Variants in MICU1 observed in about 807,000 individuals in gnomAD.
MICU1 encodes the protein calcium uptake protein 1, mitochondrial.
A neutral mutation model predicts 56.8 loss-of-function variants in MICU1; 45 were observed. The ratio of observed to expected loss-of-function variants is 0.79; its 90% CI spans 0.62 to 1.02. The LOEUF (loss-of-function observed/expected upper bound fraction) is 1.02, where lower values mean the gene tolerates loss of function less well. Among genes scored for constraint, MICU1 ranks in the 50% least tolerant of loss-of-function variants. The probability of loss-of-function intolerance (pLI) is 0.00; values close to 1 mark genes in which losing one functional copy is unlikely to be tolerated. For missense variants in MICU1, 504 were observed against 587.1 expected, an observed-to-expected ratio of 0.86 and a Z score of 1.46; for synonymous variants, 186 against 195.1, an observed-to-expected ratio of 0.95 and a Z score of 0.39.
At position 72,368,200 on chromosome 10, in the gene MICU1, G is replaced by A; in HGVS notation, c.1426C>T (p.Gln476Ter). The change falls in exon 12 of 12, where the codon CAG becomes TAG. Residue 476 changes from glutamine to a stop codon, truncating the protein, a stop_gained. Coordinates refer to ENST00000361114, the MANE Select transcript of MICU1 (RefSeq NM_001195518.2). LOFTEE classifies it high-confidence loss of function. Reference protein sequence around the residue: ...ETAWDFALPKQ With the variant: ...ETAWDFALPK ...TCCCCTCTTGCAGTGTGGGGTTACT[G>A]TTTGGGTAAAGCGAAGTCCCAGGCA... The A allele has an allele frequency of 6.2e-7, 1 of 1,612,310 alleles. No homozygotes were observed. Among genetic ancestry groups the A allele is most frequent in the South Asian group, 1.1e-5 (1 of 90,940 alleles).
chr10:72,477,432 GA>G (rs1866158399), intron 6 of MICU1, 176 bp from the exon 7 acceptor site: 1 of 1,357,078 alleles, frequency 7.4e-7, no homozygotes, highest in Admixed American at 2.1e-5. Context: ...ACCCTTTTAG[GA>G]ATACTCCTTG....
chr10:72,575,982 G>A (rs1840731727), intron 1 of MICU1, among the ~76,000 whole-genome samples: 1 of 152,180 alleles, frequency 6.6e-6, no homozygotes, highest in African/African-American at 2.4e-5. Flanking sequence ...GGGAGGCTGA[G>A]GCGGGTGGAT....
At chr10:72,622,409 G>A (rs554025739) in intron 1 of MICU1, among the ~76,000 whole-genome samples, 27 of 152,092 alleles carry the variant, frequency 1.8e-4, no homozygotes, top group South Asian at 1.5e-3. Flanking sequence ...CCCACTCCAG[G>A]ATAGGGACAA....
chr10:72,509,356 C>T (rs1040585873), intron 5 of MICU1: 1 of 1,330,442 alleles, frequency 7.5e-7, no homozygotes, highest in African/African-American at 1.5e-5. Context: ...CAACAAGCAC[C>T]ATCACACCAG....
At chr10:72,541,048 C>A (rs915452765) in intron 4 of MICU1, among the ~76,000 whole-genome samples, 2 of 152,212 alleles carry the variant, frequency 1.3e-5, no homozygotes, top group African/African-American at 4.8e-5. Context: ...ATGGGATCTG[C>A]AGATGAAAGT....
intron 5 of MICU1, among the ~76,000 whole-genome samples, chr10:72,520,645 T>C (rs911353417): frequency 1.3e-4 from 20 of 152,110 alleles, no homozygotes; most frequent in African/African-American, 4.6e-4. Flanking sequence ...TGAGAACAAT[T>C]CCAAATACCT....
intron 9 of MICU1, among the ~76,000 whole-genome samples, chr10:72,411,867 A>C (rs1241733674): frequency 6.6e-6 from 1 of 152,232 alleles, no homozygotes; most frequent in African/African-American, 2.4e-5. Context: ...GAGAGAGAAC[A>C]ATCTAAACTG....
intron 1 of MICU1, among the ~76,000 whole-genome samples, chr10:72,587,778 T>C (rs750728030): frequency 6.6e-6 from 1 of 151,948 alleles, no homozygotes; most frequent in Non-Finnish European, 1.5e-5. Context: ...AGTGAGACTC[T>C]ATCATAAATA....
intron 8 of MICU1, among the ~76,000 whole-genome samples, chr10:72,458,857 C>T (rs941612019): frequency 1.3e-4 from 19 of 150,976 alleles, no homozygotes; most frequent in Non-Finnish European, 1.3e-4. Context: ...ACCACAGGTG[C>T]ATGCCACTAC....
chr10:72,498,611 A>C (rs1042681150), intron 6 of MICU1, among the ~76,000 whole-genome samples: 8 of 152,104 alleles, frequency 5.3e-5, no homozygotes, highest in Non-Finnish European at 5.9e-5. Flanking sequence ...AAAGAAAAAA[A>C]GAAGCCTTCG....
chr10:72,429,196 G>T (rs1864444848), intron 8 of MICU1, among the ~76,000 whole-genome samples: 1 of 152,074 alleles, frequency 6.6e-6, no homozygotes, highest in South Asian at 2.1e-4. Flanking sequence ...AAGGTGGGAG[G>T]ATCACTTGAG....
intron 8 of MICU1, among the ~76,000 whole-genome samples, chr10:72,453,777 C>A (rs928445823): frequency 2.6e-5 from 4 of 151,908 alleles, no homozygotes; most frequent in African/African-American, 9.7e-5. Context: ...GTGATCCACC[C>A]ACCTCAGCCT....
chr10:72,512,354 A>C (rs866911695), intron 5 of MICU1, among the ~76,000 whole-genome samples: 6 of 151,878 alleles, frequency 4.0e-5, no homozygotes, highest in Admixed American at 6.6e-5. Context: ...TGATCTGCCC[A>C]CCTTGGCCTC....
At chr10:72,544,766 A>G (rs1839858458) in intron 4 of MICU1, among the ~76,000 whole-genome samples, 1 of 152,210 alleles carries the variant, frequency 6.6e-6, no homozygotes, top group Non-Finnish European at 1.5e-5. Flanking sequence ...TTCAAATCGT[A>G]CAGAATATTT....
At chr10:72,386,090 G>T (rs1160638837) in intron 10 of MICU1, among the ~76,000 whole-genome samples, 2 of 152,204 alleles carry the variant, frequency 1.3e-5, no homozygotes, top group Non-Finnish European at 2.9e-5. Context: ...TTTCATCCTT[G>T]TTAAGATCCT....
chr10:72,491,409 G>A (rs1245133946), intron 6 of MICU1, among the ~76,000 whole-genome samples: 1 of 152,132 alleles, frequency 6.6e-6, no homozygotes, highest in Admixed American at 6.5e-5. Flanking sequence ...CTGGATTTGG[G>A]ACCATTGCTT....
At chr10:72,427,490 G>T (rs939224095) in intron 8 of MICU1, among the ~76,000 whole-genome samples, 2 of 152,146 alleles carry the variant, frequency 1.3e-5, no homozygotes, top group African/African-American at 4.8e-5. Flanking sequence ...GAAGACTTTT[G>T]AGGTTAATGT....
intron 8 of MICU1, among the ~76,000 whole-genome samples, chr10:72,427,820 T>C (rs1383813147): frequency 6.6e-6 from 1 of 150,970 alleles, no homozygotes; most frequent in Non-Finnish European, 1.5e-5. Context: ...CAAGACTGCA[T>C]AGTGATCTCA....
In MICU1 at chr10:72,546,165, C is replaced by G. The variant is rs146794299; in HGVS notation, c.493+5014G>C. ...TGTCTTAACTGAACTTCACTTATAC[C>G]ATTTTTTCCTTTGTCTGAGCAAATG... On this transcript the variant is annotated intron_variant, in intron 4 of 11. Coordinates refer to ENST00000361114, the MANE Select transcript of MICU1 (RefSeq NM_001195518.2). Among the ~76,000 whole-genome samples, 67 of 152,240 alleles carry G rather than the reference C, an allele frequency of 4.4e-4. No individual in the cohort carries two copies. In the East Asian group the frequency reaches 0.01, roughly 23 times the overall value.
Sources: allele counts gnomAD v4.1 joint callset (sites outside exome capture counted in the v4.1 genomes callset), GRCh38; gene constraint gnomAD v4.1.1; transcripts MANE v1.5; gene names NCBI Gene and HGNC (gene_info 2026-07-23, HGNC 2026-07-21).